CALN1: variants seen among roughly 807,000 people sequenced by gnomAD.
CALN1 encodes calneuron 1.
A neutral mutation model predicts 30.6 loss-of-function variants in CALN1; 17 were observed. The observed-to-expected ratio is 0.56, with a 90% confidence interval of 0.38 to 0.83. CALN1 has a LOEUF of 0.83. Among genes scored for constraint, CALN1 ranks in the 40% least tolerant of loss-of-function variants. The pLI, the probability that CALN1 is intolerant of heterozygous loss-of-function variation, is 0.00. For missense variants in CALN1, 291 were observed against 354.9 expected (o/e 0.82, Z 1.45); for synonymous variants, 156 against 131.4 (o/e 1.19, Z -1.28).
chr7:71,959,994 C>T (rs1274391311), intron 5 of CALN1, among the ~76,000 whole-genome samples: 1 of 151,744 alleles, frequency 6.6e-6, no homozygotes, highest in South Asian at 2.1e-4. Flanking sequence ...ATTAGCTGGG[C>T]GTGGTGGCGG....
intron 2 of CALN1, among the ~76,000 whole-genome samples, chr7:72,327,386 G>C (rs754814929): frequency 7.9e-5 from 12 of 152,344 alleles, no homozygotes; most frequent in South Asian, 4.1e-4. Context: ...CTACTCAGGA[G>C]GCTGACGCAG....
At chr7:71,889,502 C>G (rs887157759) in intron 5 of CALN1, among the ~76,000 whole-genome samples, 4 of 152,162 alleles carry the variant, frequency 2.6e-5, no homozygotes, top group African/African-American at 9.7e-5. Context: ...AAACACCAGT[C>G]TCATTCATGA....
chr7:72,163,356 C>T (rs1293303176), intron 3 of CALN1, among the ~76,000 whole-genome samples: 4 of 140,150 alleles, frequency 2.9e-5, no homozygotes, highest in Non-Finnish European at 6.1e-5. Context: ...AAGGCATTAT[C>T]CACAATGTAC....
At chr7:72,102,028 A>C (rs1342218587) in intron 4 of CALN1, among the ~76,000 whole-genome samples, 1 of 152,158 alleles carries the variant, frequency 6.6e-6, no homozygotes, top group Admixed American at 6.5e-5. Flanking sequence ...GTCATTTTTC[A>C]AAGCTTATTT....
intron 3 of CALN1, among the ~76,000 whole-genome samples, chr7:72,145,206 A>T (rs1156457972): frequency 3.3e-5 from 5 of 152,180 alleles, no homozygotes; most frequent in African/African-American, 1.2e-4. Context: ...AAGATCAACA[A>T]AATTGATAGA....
At chr7:72,337,224 A>C (rs2944818) in intron 2 of CALN1, 981,739 of 985,244 alleles carry the variant, frequency 1, 489,205 homozygotes, top group East Asian at 1. Context: ...CTTGCCGCCG[A>C]CAGCACCACA....
intron 5 of CALN1, among the ~76,000 whole-genome samples, chr7:71,928,461 A>G (rs1167364591): frequency 1.3e-5 from 2 of 151,884 alleles, no homozygotes; most frequent in African/African-American, 4.8e-5. Flanking sequence ...AAAAAAAAAA[A>G]AAAGGTCTGT....
At chr7:72,488,706 T>C in the CALN1 span, among the ~76,000 whole-genome samples, 10 of 152,060 alleles carry the variant, frequency 6.6e-5, no homozygotes, top group Admixed American at 6.6e-4. Context: ...TTTTTAGATA[T>C]AGGATCTCAC....
intron 5 of CALN1, among the ~76,000 whole-genome samples, chr7:71,868,300 G>T (rs1235845649): frequency 6.6e-6 from 1 of 152,060 alleles, no homozygotes; most frequent in Non-Finnish European, 1.5e-5. Context: ...TTCCAATCAT[G>T]GCAGAAGGCA....
rs925026936 is a variant in CALN1, at chr7:71,835,718, C to T, written c.502-25226G>A. 9.2e-5 allele frequency among the ~76,000 whole-genome samples: 14 copies of T among 152,274 alleles called. No homozygotes were observed. In the South Asian group the frequency reaches 2.5e-3, roughly 27 times the overall value. Reference sequence around the variant, plus strand: ...AGCACTTAAAAAGATAGGTAGAGATCACATCTAGGAAGTTACAGAGTCAAG... The same window carrying T: ...AGCACTTAAAAAGATAGGTAGAGATTACATCTAGGAAGTTACAGAGTCAAG... On this transcript the variant is annotated intron_variant, in intron 5 of 6. Coordinates refer to ENST00000395275, the MANE Select transcript of CALN1 (RefSeq NM_031468.4).
At chr7:72,337,258 G>T (rs1400611032) in intron 2 of CALN1, 1 of 985,006 alleles carries the variant, frequency 1.0e-6, no homozygotes, top group Non-Finnish European at 1.2e-6. Context: ...CGGCGCCCGC[G>T]TTCAGGAGCC....
chr7:71,938,050 TAGAAAG>T lies in CALN1; in HGVS notation c.501+85601_501+85606del, dbSNP rs533585899. On this transcript the variant is annotated intron_variant, in intron 5 of 6. Transcript: ENST00000395275. ...TACGCAACATCTGGGTTGGGGCTTG[TAGAAAG>T]AGAAAGAGTTTACCAAAGAATGGGC... Among the ~76,000 whole-genome samples the T allele has an allele frequency of 8.4e-3, 1,278 of 152,214 alleles. 4 individuals are homozygous for T. The highest frequency in any genetic ancestry group is 0.044 in the Middle Eastern group (13 of 294).
chr7:71,947,833 G>A (rs564119426), intron 5 of CALN1, among the ~76,000 whole-genome samples: 4 of 151,780 alleles, frequency 2.6e-5, no homozygotes, highest in South Asian at 4.2e-4. Flanking sequence ...CCAGCTACTC[G>A]GGAGGCTGAG....
At chr7:72,149,471 A>G (rs1029516241) in intron 3 of CALN1, among the ~76,000 whole-genome samples, 10 of 152,128 alleles carry the variant, frequency 6.6e-5, no homozygotes, top group Admixed American at 3.9e-4. Context: ...TGTCTCCAAA[A>G]TAAATAAAAT....
At chr7:71,898,240 G>C (rs1268280407) in intron 5 of CALN1, among the ~76,000 whole-genome samples, 1 of 152,110 alleles carries the variant, frequency 6.6e-6, no homozygotes, top group Non-Finnish European at 1.5e-5. Context: ...TGAGACAGTA[G>C]AATCGCTTGA....
chr7:71,953,024 A>G (rs1255815960), intron 5 of CALN1, among the ~76,000 whole-genome samples: 2 of 152,146 alleles, frequency 1.3e-5, no homozygotes, highest in Non-Finnish European at 2.9e-5. Flanking sequence ...TGGTGTGACC[A>G]CAGCTCACTG....
At chr7:72,168,021 T>A (rs2129545259) in intron 3 of CALN1, among the ~76,000 whole-genome samples, 1 of 152,332 alleles carries the variant, frequency 6.6e-6, no homozygotes, top group South Asian at 2.1e-4. Flanking sequence ...AATAAAGGAA[T>A]TATTGCCTGG....
At chr7:71,873,545 G>T (rs17340639) in intron 5 of CALN1, among the ~76,000 whole-genome samples, 2 of 152,048 alleles carry the variant, frequency 1.3e-5, no homozygotes, top group African/African-American at 4.8e-5. Flanking sequence ...TCTCAAAAGC[G>T]TAGTGCATAA....
intron 2 of CALN1, among the ~76,000 whole-genome samples, chr7:72,385,933 T>C (rs1317318962): frequency 2.6e-5 from 4 of 152,204 alleles, no homozygotes; most frequent in Admixed American, 1.3e-4. Flanking sequence ...TAGTTCTTTA[T>C]AGCAGTGTAA....
Sources: allele counts gnomAD v4.1 joint callset (sites outside exome capture counted in the v4.1 genomes callset), GRCh38; gene constraint gnomAD v4.1.1; transcripts MANE v1.5; gene names NCBI Gene and HGNC (gene_info 2026-07-23, HGNC 2026-07-21).